Variants in CCDC158 observed in about 807,000 individuals in gnomAD.
CCDC158 encodes coiled-coil domain-containing protein 158.
In CCDC158, 116 loss-of-function variants were observed where a neutral mutation model predicts 138.6. That is an observed-to-expected ratio of 0.84 (90% confidence interval 0.72 to 0.98). The LOEUF is 0.98. Among genes scored for constraint, CCDC158 ranks in the 50% least tolerant of loss-of-function variants. CCDC158 has a pLI of 0.00. For synonymous variants in CCDC158, 436 were observed against 442.4 expected (o/e 0.99, Z 0.18); for missense variants, 1,265 against 1,306.1 (o/e 0.97, Z 0.48).
intron 4 of CCDC158, among the ~76,000 whole-genome samples, chr4:76,385,553 C>G (rs758429497): frequency 9.2e-5 from 14 of 151,954 alleles, no homozygotes; most frequent in Non-Finnish European, 1.9e-4. Flanking sequence ...AGAAATGTTG[C>G]AAGTCAAGAA....
rs369910264 is a variant in CCDC158, at chr4:76,351,116, A to G, written c.2544T>C (p.Leu848=). 24 of 1,612,140 alleles carry G rather than the reference A, an allele frequency of 1.5e-5. No homozygotes were observed. The highest frequency in any genetic ancestry group is 1.5e-5 in the Non-Finnish European group (18 of 1,179,002). Reference sequence around the variant, plus strand: ...AATTTGAGGTGTATCCAGGGCCCTGAAGTTCCTGGAAAACAATATAGAGGT... The same window carrying G: ...AATTTGAGGTGTATCCAGGGCCCTGGAGTTCCTGGAAAACAATATAGAGGT... ...KLQHTLDIKE[L]QGPGYTSNSS... Residue 848 remains leucine (L), a synonymous_variant, in exon 18 of 25, where the codon CTT becomes CTC. Coordinates refer to ENST00000682701, the MANE Select transcript of CCDC158 (RefSeq NM_001394954.1).
chr4:76,374,943 C>T (rs1185990168), intron 9 of CCDC158, among the ~76,000 whole-genome samples: 1 of 152,084 alleles, frequency 6.6e-6, no homozygotes, highest in Non-Finnish European at 1.5e-5. Flanking sequence ...TCCTCCAGCC[C>T]CCTGCAGGAA....
At chr4:76,340,325 C>T (rs1721932598) in intron 18 of CCDC158, among the ~76,000 whole-genome samples, 1 of 152,328 alleles carries the variant, frequency 6.6e-6, no homozygotes, top group Non-Finnish European at 1.5e-5. Flanking sequence ...AGCATTACTT[C>T]CCAACCACAA....
At chr4:76,385,010 C>A (rs1310343155) in intron 4 of CCDC158, among the ~76,000 whole-genome samples, 1 of 152,156 alleles carries the variant, frequency 6.6e-6, no homozygotes, top group Non-Finnish European at 1.5e-5. Context: ...TCAATCCCTA[C>A]CTCCTACCCA....
chr4:76,341,921 T>C (rs1722086816), intron 18 of CCDC158, among the ~76,000 whole-genome samples: 1 of 152,218 alleles, frequency 6.6e-6, no homozygotes, highest in African/African-American at 2.4e-5. Context: ...ATAGTTCATA[T>C]AGGGTATCTA....
At chr4:76,322,212 A>G (rs1720086570) in intron 24 of CCDC158, among the ~76,000 whole-genome samples, 2 of 152,188 alleles carry the variant, frequency 1.3e-5, no homozygotes, top group Admixed American at 6.5e-5. Flanking sequence ...CCTAATGTTC[A>G]TATACATAGG....
intron 3 of CCDC158, 30 bp downstream of exon 3, chr4:76,403,108 T>C (rs1728546888): frequency 2.7e-6 from 4 of 1,471,236 alleles, no homozygotes; most frequent in Non-Finnish European, 2.8e-6. Flanking sequence ...TTCTATTTTT[T>C]CCCCATTTTG....
chr4:76,372,879 C>T (rs966346116), intron 9 of CCDC158, among the ~76,000 whole-genome samples: 2 of 151,508 alleles, frequency 1.3e-5, no homozygotes, highest in Admixed American at 6.6e-5. Flanking sequence ...AATGGAATCT[C>T]GCCCTGTCGC....
Position 76,347,529 on chromosome 4 carries a change from G to A in CCDC158, c.2664+3467C>T, listed in dbSNP as rs547398692. 2.6e-5 allele frequency among the ~76,000 whole-genome samples: 4 copies of A among 152,104 alleles called. No homozygotes were observed. In the South Asian group the frequency reaches 8.3e-4, roughly 32 times the overall value. ...CAATGGGAACACATGGACACAGGGA[G>A]GGGAACATTACACAATAGGGCCTGT... On this transcript the variant is annotated intron_variant, in intron 18 of 24. Transcript: ENST00000682701.
At chr4:76,419,251 T>C (rs1281408697) in intron 1 of CCDC158, among the ~76,000 whole-genome samples, 1 of 152,176 alleles carries the variant, frequency 6.6e-6, no homozygotes. Context: ...AATCCTTTCT[T>C]TAGGATTTAC....
chr4:76,403,020 C>T, intron 3 of CCDC158, 118 bp downstream of exon 3: 1 of 680,432 alleles, frequency 1.5e-6, no homozygotes, highest in Non-Finnish European at 2.5e-6. Flanking sequence ...GGTAGACATT[C>T]ATGATCATGG....
In CCDC158 at chr4:76,369,437, T is replaced by C. The variant is rs900423942; in HGVS notation, c.1336A>G (p.Met446Val). 7.4e-6 allele frequency: 12 copies of C among 1,614,128 alleles called. No individual in the cohort carries two copies. Among genetic ancestry groups the C allele is most frequent in the African/African-American group, 1.3e-5 (1 of 75,066 alleles). The stretch of plus-strand genomic sequence containing the variant: ...GTGCAGGCACTGACCTGCCGCTCCA[T>C]CTGGCCCTGACACTCGCTCTTCAAG... ...KALKSECQGQ[M>V]ERQMAAIQGK... Residue 446 changes from methionine (M) to valine (V), a missense_variant, in exon 11 of 25, where the codon ATG becomes GTG. Physicochemically the swap from Met to Val is conservative, Grantham distance 21. Coordinates refer to ENST00000682701, the MANE Select transcript of CCDC158 (RefSeq NM_001394954.1).
chr4:76,321,940 G>A (rs1720057594), intron 24 of CCDC158, among the ~76,000 whole-genome samples: 1 of 151,606 alleles, frequency 6.6e-6, no homozygotes, highest in African/African-American at 2.4e-5. Context: ...CTCATTATAT[G>A]TGGGAGCTAA....
At chr4:76,338,772 C>G (rs147050332) in intron 18 of CCDC158, among the ~76,000 whole-genome samples, 1 of 152,270 alleles carries the variant, frequency 6.6e-6, no homozygotes, top group Admixed American at 6.5e-5. Flanking sequence ...TGATTTACCA[C>G]TTTGCCTGTA....
At chr4:76,367,852 T>C (rs1465732868) in intron 11 of CCDC158, 76 bp from the exon 12 acceptor site, 1 of 1,387,898 alleles carries the variant, frequency 7.2e-7, no homozygotes, top group African/African-American at 1.4e-5. Flanking sequence ...ACAAGTTAAC[T>C]TAAAAGCATG....
chr4:76,359,578 T>C (rs1476598258), intron 13 of CCDC158, among the ~76,000 whole-genome samples: 1 of 152,210 alleles, frequency 6.6e-6, no homozygotes, highest in Non-Finnish European at 1.5e-5. Context: ...TGCTATGCTT[T>C]AGCAAAGAGA....
chr4:76,406,874 T>C (rs1728871729), intron 2 of CCDC158, among the ~76,000 whole-genome samples: 2 of 151,614 alleles, frequency 1.3e-5, no homozygotes, highest in Admixed American at 1.3e-4. Context: ...TCAATAAAAA[T>C]GAAATAATAA....
chr4:76,351,519 A>T (rs1208531354), intron 17 of CCDC158, among the ~76,000 whole-genome samples: 5 of 152,138 alleles, frequency 3.3e-5, no homozygotes, highest in Non-Finnish European at 5.9e-5. Flanking sequence ...TAAACTAAGG[A>T]TAGTGGTGCT....
intron 8 of CCDC158, among the ~76,000 whole-genome samples, 167 bp downstream of exon 8, chr4:76,382,443 C>T (rs551284678): frequency 2.8e-5 from 4 of 143,686 alleles, no homozygotes; most frequent in Admixed American, 2.0e-4. Context: ...GGTCAGATAA[C>T]AGTACCTATG....
Sources: gnomAD v4.1 joint callset for allele counts (sites outside exome capture counted in the v4.1 genomes callset) on GRCh38, gnomAD v4.1.1 for gene constraint, MANE v1.5 for transcripts, NCBI Gene and HGNC (gene_info 2026-07-23, HGNC 2026-07-21) for gene names.